MAST4: variants seen among roughly 807,000 people sequenced by gnomAD.
MAST4 encodes the protein microtubule associated serine/threonine kinase family member 4, also known as microtubule-associated serine/threonine-protein kinase 4.
A neutral mutation model predicts 162.7 loss-of-function variants in MAST4; 89 were observed. The ratio of observed to expected loss-of-function variants is 0.55; its 90% CI spans 0.46 to 0.65. MAST4 has a LOEUF of 0.65. Ranked by LOEUF, MAST4 falls within the 30% of genes least tolerant of loss-of-function variation. The pLI is 0.00. For synonymous variants in MAST4, 1,479 were observed against 1,361.1 expected (o/e 1.09, Z -1.91); for missense variants, 3,153 against 3,374.0 (o/e 0.93, Z 1.62).
chr5:66,782,588 G>T (rs1754928025), intron 2 of MAST4, among the ~76,000 whole-genome samples: 1 of 152,112 alleles, frequency 6.6e-6, no homozygotes, highest in African/African-American at 2.4e-5. Context: ...TTTATTTATT[G>T]CCTCTAAATT....
intron 7 of MAST4, 64 bp from the exon 8 acceptor site, chr5:67,100,371 C>T: frequency 1.3e-6 from 2 of 1,549,206 alleles, no homozygotes; most frequent in Non-Finnish European, 1.8e-6. Flanking sequence ...TCATCGATCT[C>T]TCCTGTTCAT....
At chr5:67,024,007 G>T (rs981723732) in intron 4 of MAST4, among the ~76,000 whole-genome samples, 7 of 151,816 alleles carry the variant, frequency 4.6e-5, no homozygotes, top group Admixed American at 2.0e-4. Flanking sequence ...TGCAGCCACA[G>T]AACTCCTTTC....
chr5:67,066,809 T>G (rs1241707708), intron 5 of MAST4, among the ~76,000 whole-genome samples: 1 of 152,228 alleles, frequency 6.6e-6, no homozygotes, highest in Non-Finnish European at 1.5e-5. Flanking sequence ...ATTTCCTTAC[T>G]TAGATTTTTG....
chr5:66,713,046 A>T (rs1421162777), intron 1 of MAST4, among the ~76,000 whole-genome samples: 1 of 152,158 alleles, frequency 6.6e-6, no homozygotes, highest in Non-Finnish European at 1.5e-5. Flanking sequence ...ATATTCCCCC[A>T]TGCCTACCCC....
chr5:66,596,515 G>A lies in MAST4; in HGVS notation c.-141G>A. ...GCTCCTGCGGCCCCGTCACTGCCAT[G>A]TAGTCGCTGGCGGGGCTCCCTGCAG... On this transcript the variant is annotated 5_prime_UTR_variant, in exon 1 of 29. It removes an upstream start codon present in the reference 5' UTR. Transcript: ENST00000403625. The A allele has an allele frequency of 9.5e-7, 1 of 1,057,026 alleles. No individual in the cohort carries two copies. The highest frequency in any genetic ancestry group is 1.2e-6 in the Non-Finnish European group (1 of 815,946). The allele number at this position is 1,057,026 out of a possible 1,614,324, so 65.5% of individuals were successfully genotyped here. A position where few individuals can be genotyped will look rare whatever the true frequency, so the allele number is the denominator to read the frequency against.
rs1448315349 is a variant in MAST4 at position 67,149,604 on chromosome 5, C to T, written c.3295+15C>T. The T allele has an allele frequency of 2.5e-6, 4 of 1,610,944 alleles. No individual in the cohort carries two copies. The highest frequency in any genetic ancestry group is 2.5e-6 in the Non-Finnish European group (3 of 1,178,158). Reference sequence around the variant, plus strand: ...GATCCCAGGAGGTAGAGAGATACTACTTGCATGAAATTGTGTGATTTGTGC... The same window carrying T: ...GATCCCAGGAGGTAGAGAGATACTATTTGCATGAAATTGTGTGATTTGTGC... On this transcript the variant is annotated intron_variant, in intron 24 of 28. Coordinates refer to ENST00000403625, the MANE Select transcript of MAST4 (RefSeq NM_001164664.2).
chr5:66,652,909 T>C (rs1427843890), intron 1 of MAST4, among the ~76,000 whole-genome samples: 1 of 152,206 alleles, frequency 6.6e-6, no homozygotes, highest in Admixed American at 6.5e-5. Context: ...CCTTGAACAT[T>C]TGAATCACTG....
intron 3 of MAST4, among the ~76,000 whole-genome samples, chr5:66,848,714 C>G (rs1418367273): frequency 6.6e-6 from 1 of 152,150 alleles, no homozygotes; most frequent in Non-Finnish European, 1.5e-5. Flanking sequence ...TTAAAATTCT[C>G]TATTTCTTTT....
Position 67,163,051 on chromosome 5 carries a change from C to A in MAST4, c.3968-96C>A. On this transcript the variant is annotated intron_variant, in intron 28 of 28. Transcript: ENST00000403625. The surrounding 1 kb of genome is among the most constrained non-coding windows in gnomAD (Gnocchi z 7.0). ...CTAAATGCTGAGACAATTTGCTGAT[C>A]TTACCTGGCCTTACCTAATACAGTC... 3 of 1,362,208 alleles carry A rather than the reference C, an allele frequency of 2.2e-6. No homozygotes were observed. The highest frequency in any genetic ancestry group is 3.0e-6 in the Non-Finnish European group (3 of 998,740). The allele number at this position is 1,362,208 out of a possible 1,614,324, so 84.4% of individuals were successfully genotyped here.
At chr5:66,990,347 T>C (rs1015203222) in intron 4 of MAST4, among the ~76,000 whole-genome samples, 3 of 152,112 alleles carry the variant, frequency 2.0e-5, no homozygotes, top group Non-Finnish European at 4.4e-5. Context: ...CTCAGAAATA[T>C]AGTCTAGGTT....
At chr5:66,650,488 C>T (rs192510365) in intron 1 of MAST4, among the ~76,000 whole-genome samples, 121 of 152,250 alleles carry the variant, frequency 7.9e-4, no homozygotes, top group African/African-American at 2.8e-3. Flanking sequence ...TAATATTTTT[C>T]ATCATACAGC....
At chr5:66,810,123 T>G (rs1422592310) in intron 3 of MAST4, among the ~76,000 whole-genome samples, 1 of 152,160 alleles carries the variant, frequency 6.6e-6, no homozygotes, top group Non-Finnish European at 1.5e-5. Flanking sequence ...TGACGTCCGG[T>G]GTGAGAATGC....
chr5:67,055,754 A>G (rs1298644361), intron 5 of MAST4, among the ~76,000 whole-genome samples: 6 of 152,192 alleles, frequency 3.9e-5, no homozygotes, highest in Non-Finnish European at 7.4e-5. Context: ...CACTCATAGC[A>G]GCAGCATCTG....
At position 67,130,417 on chromosome 5, in the gene MAST4, A is replaced by C; in HGVS notation, c.1953A>C (p.Glu651Asp). The change falls in exon 15 of 29, where the codon GAA becomes GAC. Residue 651 changes from glutamate to aspartate, a missense_variant and splice_region_variant. This residue lies in a region of MAST4 where 131 missense variants were observed against 253.8 expected (regional missense o/e 0.52). Coordinates refer to ENST00000403625, the MANE Select transcript of MAST4 (RefSeq NM_001164664.2). ...RHLCMVMEYV[E>D]GGDCATLMKN... ...TGTGCATGGTCATGGAATATGTGGA[A>C]GGTATCTGACACGGAAAACATGACA... 1 of 1,613,670 alleles carries C rather than the reference A, an allele frequency of 6.2e-7. No individual in the cohort carries two copies. Among genetic ancestry groups the C allele is most frequent in the Non-Finnish European group, 8.5e-7 (1 of 1,179,678 alleles).
intron 4 of MAST4, among the ~76,000 whole-genome samples, chr5:66,924,663 G>A (rs1433485312): frequency 1.3e-5 from 2 of 152,118 alleles, no homozygotes; most frequent in Non-Finnish European, 2.9e-5. Context: ...AAAGTGGTGG[G>A]ATTACAGGTG....
rs140909023 is a variant in MAST4 at position 66,627,110 on chromosome 5, G to T, written c.363+30092G>T. 2.4e-3 allele frequency among the ~76,000 whole-genome samples: 366 copies of T among 152,306 alleles called. 2 individuals carry two copies. Among genetic ancestry groups the T allele is most frequent in the African/African-American group, 8.1e-3 (335 of 41,560 alleles). ...AATTGACTCACAGTTCAGCAGGGCTGGGGAGGCCTTAGGAAACTTACAATT... is the reference window on the plus strand; with the variant it reads ...AATTGACTCACAGTTCAGCAGGGCTTGGGAGGCCTTAGGAAACTTACAATT... On this transcript the variant is annotated intron_variant, in intron 1 of 28. Transcript: ENST00000403625.
chr5:66,933,140 T>C (rs1428492060), intron 4 of MAST4, among the ~76,000 whole-genome samples: 1 of 152,226 alleles, frequency 6.6e-6, no homozygotes, highest in African/African-American at 2.4e-5. Flanking sequence ...CCATAGATTC[T>C]GTTCATATCT....
At chr5:67,065,893 G>A (rs1001364890) in intron 5 of MAST4, among the ~76,000 whole-genome samples, 2 of 152,158 alleles carry the variant, frequency 1.3e-5, no homozygotes, top group Admixed American at 6.5e-5. Context: ...GTAACAGTGA[G>A]TAATTGCAGA....
At chr5:67,115,792 A>G (rs1766825154) in intron 12 of MAST4, among the ~76,000 whole-genome samples, 1 of 152,118 alleles carries the variant, frequency 6.6e-6, no homozygotes, top group Admixed American at 6.6e-5. Context: ...TTCCATTACT[A>G]CCCACTGCTT....
Sources: allele counts gnomAD v4.1 joint callset (sites outside exome capture counted in the v4.1 genomes callset), GRCh38; gene constraint gnomAD v4.1.1; regional missense constraint gnomAD v4.1.1; non-coding constraint Gnocchi (gnomAD v3.1); transcripts MANE v1.5; gene names NCBI Gene and HGNC (gene_info 2026-07-23, HGNC 2026-07-21).